Variants in LRRC7 observed in about 807,000 individuals in gnomAD.
The protein encoded by LRRC7 is leucine-rich repeat-containing protein 7.
A neutral mutation model predicts 175.7 loss-of-function variants in LRRC7; 23 were observed. That is an observed-to-expected ratio of 0.13 (90% CI 0.09 to 0.19). The LOEUF is 0.19. Among genes scored for constraint, LRRC7 ranks in the 10% least tolerant of loss-of-function variants. The probability of loss-of-function intolerance (pLI) is 1.00; values close to 1 mark genes in which losing one functional copy is unlikely to be tolerated. For synonymous variants in LRRC7, 685 were observed against 680.9 expected, an observed-to-expected ratio of 1.01 and a Z score of -0.09; for missense variants, 1,354 against 1,904.7, an observed-to-expected ratio of 0.71 and a Z score of 5.38.
At chr1:69,999,341 T>G (rs1217559167) in intron 11 of LRRC7, among the ~76,000 whole-genome samples, 1 of 152,178 alleles carries the variant, frequency 6.6e-6, no homozygotes, top group Non-Finnish European at 1.5e-5. Flanking sequence ...CTATGAACAC[T>G]GAGAAGGCAG....
intron 7 of LRRC7, among the ~76,000 whole-genome samples, chr1:69,878,692 A>G (rs894032134): frequency 2.6e-5 from 4 of 151,954 alleles, no homozygotes; most frequent in Non-Finnish European, 5.9e-5. Context: ...TGTGTGATCT[A>G]CTAGTTACTA....
chr1:69,978,809 ATT>A lies in LRRC7; in HGVS notation c.712-1569_712-1568del, dbSNP rs1328310766. Among the ~76,000 whole-genome samples, 3 of 152,082 alleles carry A rather than the reference ATT, an allele frequency of 2.0e-5. No homozygotes were observed. In the East Asian group the frequency reaches 5.8e-4, roughly 29 times the overall value. The stretch of plus-strand genomic sequence containing the variant: ...CTCATGGTAACTTTGATATAATTCC[ATT>A]CTTTTCTACAAGTATTCTACAAAGT... On this transcript the variant is annotated intron_variant, in intron 8 of 26. Transcript: ENST00000651989.
Position 70,142,701 on chromosome 1 carries a change from T to TTTA in LRRC7, c.*20817_*20819dup, listed in dbSNP as rs1214346166. 6 of 152,102 alleles carry TTTA rather than the reference T, an allele frequency of 3.9e-5. No individual in the cohort carries two copies. The highest frequency in any genetic ancestry group is 2.0e-4 in the Admixed American group (3 of 15,256). 9.4% of individuals were successfully genotyped at this position (152,102 alleles called of 1,614,324 possible). On this transcript the variant is annotated 3_prime_UTR_variant, in exon 27 of 27. Transcript: ENST00000651989. Reference sequence around the variant, plus strand: ...TGCTTATTGAAAGTAATAATACAGTTTTATTTTTTCCACTTTATAACTGCC... The same window carrying TTTA: ...TGCTTATTGAAAGTAATAATACAGTTTTATTATTTTTTCCACTTTATAACTGCC...
At chr1:69,621,026 T>G (rs1650478790) in intron 1 of LRRC7, among the ~76,000 whole-genome samples, 1 of 151,568 alleles carries the variant, frequency 6.6e-6, no homozygotes, top group Non-Finnish European at 1.5e-5. Context: ...CTTTCTTATA[T>G]TTCTTTCTTC....
chr1:69,628,579 C>A (rs1651978174), intron 1 of LRRC7, among the ~76,000 whole-genome samples: 1 of 151,966 alleles, frequency 6.6e-6, no homozygotes, highest in South Asian at 2.1e-4. Flanking sequence ...CTGTGTAATC[C>A]CAATCAAAAT....
At chr1:69,773,465 G>A (rs1672464854) in intron 3 of LRRC7, among the ~76,000 whole-genome samples, 1 of 152,178 alleles carries the variant, frequency 6.6e-6, no homozygotes, top group African/African-American at 2.4e-5. Context: ...GACAAACTGA[G>A]AGGGTGAGAG....
chr1:69,998,188 A>G (rs541610779), intron 11 of LRRC7, among the ~76,000 whole-genome samples: 1 of 152,296 alleles, frequency 6.6e-6, no homozygotes, highest in South Asian at 2.1e-4. Flanking sequence ...AAAGTCTACA[A>G]TTTGATAAGC....
chr1:69,582,214 A>G (rs1646228777), intron 1 of LRRC7, among the ~76,000 whole-genome samples: 2 of 152,244 alleles, frequency 1.3e-5, no homozygotes, highest in Non-Finnish European at 2.9e-5. Flanking sequence ...TAAAAGAAGT[A>G]TTAATGATTA....
intron 8 of LRRC7, among the ~76,000 whole-genome samples, chr1:69,955,756 G>C (rs1650424507): frequency 6.6e-6 from 1 of 151,702 alleles, no homozygotes; most frequent in Non-Finnish European, 1.5e-5. Context: ...TTTTTTCAGT[G>C]ACAAGCAAAA....
chr1:69,627,744 C>A (rs772837198), intron 1 of LRRC7, among the ~76,000 whole-genome samples: 1 of 151,836 alleles, frequency 6.6e-6, no homozygotes, highest in Admixed American at 6.6e-5. Context: ...AAAAGTCTTC[C>A]CACTCGGAGA....
At chr1:69,728,550 G>A (rs1458322733) in intron 2 of LRRC7, among the ~76,000 whole-genome samples, 1 of 151,870 alleles carries the variant, frequency 6.6e-6, no homozygotes, top group Non-Finnish European at 1.5e-5. Flanking sequence ...TGCCATTGTG[G>A]AGAGTAAGAG....
chr1:69,972,101 T>C (rs1652297483), intron 8 of LRRC7, among the ~76,000 whole-genome samples: 1 of 152,150 alleles, frequency 6.6e-6, no homozygotes, highest in Non-Finnish European at 1.5e-5. Context: ...TCCTCATCTC[T>C]CACCTTATAC....
At chr1:69,717,853 G>GAAAGGAAAGAAA (rs1309359434) in intron 2 of LRRC7, among the ~76,000 whole-genome samples, 16 of 15,632 alleles carry the variant, frequency 1.0e-3, no homozygotes, top group African/African-American at 4.9e-3. Context: ...AAGAAAGAAA[G>GAAAGGAAAGAAA]GAAAGAAAGA....
intron 7 of LRRC7, chr1:69,874,190 A>T (rs1685831581): frequency 6.6e-6 from 1 of 152,176 alleles, no homozygotes; most frequent in African/African-American, 2.4e-5. Flanking sequence ...TTTGTTAATT[A>T]ACCATATTGG....
intron 2 of LRRC7, among the ~76,000 whole-genome samples, chr1:69,753,252 C>A (rs1670031278): frequency 6.7e-6 from 1 of 150,012 alleles, no homozygotes; most frequent in African/African-American, 2.4e-5. Flanking sequence ...CTGTTTTGTA[C>A]CTATAAAGTA....
intron 7 of LRRC7, among the ~76,000 whole-genome samples, chr1:69,858,272 A>C (rs1287730227): frequency 1.3e-5 from 2 of 152,308 alleles, no homozygotes; most frequent in East Asian, 1.9e-4. Context: ...GGATCTAATT[A>C]AACTAAAGAG....
chr1:69,681,260 A>G (rs1660455117), intron 2 of LRRC7, among the ~76,000 whole-genome samples: 1 of 152,144 alleles, frequency 6.6e-6, no homozygotes, highest in Non-Finnish European at 1.5e-5. Context: ...TCCCACACAA[A>G]GGTGCCACCT....
At chr1:70,010,737 C>G (rs559605491) in intron 11 of LRRC7, among the ~76,000 whole-genome samples, 6 of 152,282 alleles carry the variant, frequency 3.9e-5, no homozygotes, top group Admixed American at 1.3e-4. Flanking sequence ...ACAATACCAA[C>G]GCCAACTGCA....
chr1:69,895,146 C>T (rs1190570282), intron 7 of LRRC7, among the ~76,000 whole-genome samples: 1 of 152,116 alleles, frequency 6.6e-6, no homozygotes, highest in East Asian at 1.9e-4. Context: ...GCAGGTGAAT[C>T]GCTTGAACCC....
Sources: allele counts gnomAD v4.1 joint callset (sites outside exome capture counted in the v4.1 genomes callset), GRCh38; gene constraint gnomAD v4.1.1; transcripts MANE v1.5; gene names NCBI Gene and HGNC (gene_info 2026-07-23, HGNC 2026-07-21).